LRRTM4: variants seen among roughly 807,000 people sequenced by gnomAD.
LRRTM4 encodes the protein leucine-rich repeat transmembrane neuronal protein 4.
Under a neutral mutation model 47.6 loss-of-function variants are expected in LRRTM4, and 25 were observed. The ratio of observed to expected loss-of-function variants is 0.53; its 90% CI spans 0.38 to 0.73. The LOEUF is 0.73. LRRTM4 is among the 30% of genes least tolerant of loss of function. The pLI is 0.00. For synonymous variants in LRRTM4, 311 were observed against 269.5 expected, an observed-to-expected ratio of 1.15 and a Z score of -1.51; for missense variants, 638 against 713.4, an observed-to-expected ratio of 0.89 and a Z score of 1.20.
intron 3 of LRRTM4, among the ~76,000 whole-genome samples, chr2:77,316,687 A>G (rs949593069): frequency 8.6e-5 from 13 of 152,010 alleles, no homozygotes; most frequent in African/African-American, 3.1e-4. Context: ...AGCTGGGATC[A>G]CTAGCACATG....
At chr2:77,237,945 C>G (rs1299662542) in intron 3 of LRRTM4, among the ~76,000 whole-genome samples, 3 of 152,060 alleles carry the variant, frequency 2.0e-5, no homozygotes, top group Admixed American at 6.6e-5. Flanking sequence ...TATATATACT[C>G]AAACATACAC....
At chr2:77,154,049 A>C (rs1672495662) in intron 3 of LRRTM4, among the ~76,000 whole-genome samples, 1 of 152,220 alleles carries the variant, frequency 6.6e-6, no homozygotes, top group African/African-American at 2.4e-5. Flanking sequence ...AATTACTAGA[A>C]GTCTAATCAA....
chr2:76,832,448 G>A (rs930897037), intron 3 of LRRTM4, among the ~76,000 whole-genome samples: 7 of 142,020 alleles, frequency 4.9e-5, no homozygotes, highest in East Asian at 2.1e-4. Context: ...GTGCATCCTC[G>A]AAGGGCTTTT....
intron 3 of LRRTM4, among the ~76,000 whole-genome samples, chr2:76,990,595 C>T (rs1484919077): frequency 2.0e-5 from 3 of 151,624 alleles, no homozygotes; most frequent in Admixed American, 6.6e-5. Flanking sequence ...AACAAGAAGA[C>T]TTAACCATCC....
intron 3 of LRRTM4, among the ~76,000 whole-genome samples, chr2:77,396,835 T>C (rs1673723856): frequency 6.6e-6 from 1 of 151,904 alleles, no homozygotes; most frequent in African/African-American, 2.4e-5. Flanking sequence ...TCAATTGAGA[T>C]CAATGTTTGA....
At chr2:77,422,568 GAT>G (rs1413164164) in intron 3 of LRRTM4, among the ~76,000 whole-genome samples, 1 of 152,136 alleles carries the variant, frequency 6.6e-6, no homozygotes, top group Non-Finnish European at 1.5e-5. Flanking sequence ...CTTTCTTATT[GAT>G]ATAATAAGCA....
intron 3 of LRRTM4, among the ~76,000 whole-genome samples, chr2:77,185,625 CTAAAG>C (rs1673481223): frequency 6.6e-6 from 1 of 152,098 alleles, no homozygotes; most frequent in African/African-American, 2.4e-5. Flanking sequence ...ATAAGTCAAA[CTAAAG>C]TATAAACAAG....
rs1314352592 is a variant in LRRTM4, at chr2:77,507,261, A to G, written c.1551+11057T>C. On this transcript the variant is annotated intron_variant, in intron 3 of 3. Transcript: ENST00000409884. ...TAGAAACAGTCAAACATTGTAGGAT[A>G]AAATCATATATTTGCTTATATAATT... Among the ~76,000 whole-genome samples the G allele has an allele frequency of 1.8e-4, 28 of 152,164 alleles. 1 individual carries two copies. The highest frequency in any genetic ancestry group is 1.8e-3 in the Admixed American group (28 of 15,250).
chr2:76,910,607 C>A (rs1674019466), intron 3 of LRRTM4, among the ~76,000 whole-genome samples: 1 of 152,092 alleles, frequency 6.6e-6, no homozygotes, highest in African/African-American at 2.4e-5. Flanking sequence ...ATGTATGTAT[C>A]CAAAAATAGA....
chr2:76,875,531 A>C (rs1216060589), intron 3 of LRRTM4, among the ~76,000 whole-genome samples: 3 of 152,154 alleles, frequency 2.0e-5, no homozygotes, highest in African/African-American at 7.2e-5. Flanking sequence ...TACATCAGTT[A>C]AGTAATTAAG....
At chr2:77,065,580 C>T (rs1679924578) in intron 3 of LRRTM4, among the ~76,000 whole-genome samples, 2 of 152,206 alleles carry the variant, frequency 1.3e-5, no homozygotes, top group African/African-American at 4.8e-5. Flanking sequence ...AACAGAATAA[C>T]ACGTTGGATT....
At chr2:76,979,695 G>A (rs1676537613) in intron 3 of LRRTM4, among the ~76,000 whole-genome samples, 1 of 78,204 alleles carries the variant, frequency 1.3e-5, no homozygotes, top group Non-Finnish European at 2.3e-5. Context: ...TAGAGTATAA[G>A]CGATAGATAG....
At chr2:76,756,273 A>G (rs1271354932) in intron 3 of LRRTM4, among the ~76,000 whole-genome samples, 1 of 152,174 alleles carries the variant, frequency 6.6e-6, no homozygotes, top group African/African-American at 2.4e-5. Context: ...CTCTGAATCC[A>G]TCTATGACCT....
intron 3 of LRRTM4, among the ~76,000 whole-genome samples, chr2:77,258,696 A>AT (rs1675835787): frequency 6.6e-6 from 1 of 152,134 alleles, no homozygotes; most frequent in East Asian, 1.9e-4. Flanking sequence ...TATTCAGGAA[A>AT]ATTGTTAAAA....
chr2:77,460,438 G>A (rs548750624), intron 3 of LRRTM4, among the ~76,000 whole-genome samples: 2 of 152,178 alleles, frequency 1.3e-5, no homozygotes, highest in African/African-American at 2.4e-5. Flanking sequence ...ATAGCTACTG[G>A]TCTAAAGAGG....
intron 3 of LRRTM4, among the ~76,000 whole-genome samples, chr2:77,231,742 A>G (rs1306552767): frequency 1.3e-5 from 2 of 152,174 alleles, no homozygotes; most frequent in Non-Finnish European, 2.9e-5. Context: ...CAGAGACAAC[A>G]TTAAATAGCA....
chr2:77,327,114 G>GT lies in LRRTM4; in HGVS notation c.1551+191203dup, dbSNP rs142992936. Among the ~76,000 whole-genome samples the GT allele has an allele frequency of 3.6e-3, 546 of 152,312 alleles. 2 individuals carry two copies. Among genetic ancestry groups the GT allele is most frequent in the African/African-American group, 0.013 (525 of 41,568 alleles). Reference sequence around the variant, plus strand: ...AAGATTTTCCTCCTGAAAGAAAGGAGTAGGATAGCTCTTCACTTGGGCAAA... The same window carrying GT: ...AAGATTTTCCTCCTGAAAGAAAGGAGTTAGGATAGCTCTTCACTTGGGCAAA... On this transcript the variant is annotated intron_variant, in intron 3 of 3. Transcript: ENST00000409884.
intron 3 of LRRTM4, among the ~76,000 whole-genome samples, chr2:77,351,641 G>T (rs868173327): frequency 0.02 from 2,578 of 129,252 alleles, 100 homozygotes; most frequent in African/African-American, 0.085. Context: ...TATATATATA[G>T]TTAATGTGAA....
At chr2:76,782,309 C>A (rs1558649384) in intron 3 of LRRTM4, among the ~76,000 whole-genome samples, 2 of 152,144 alleles carry the variant, frequency 1.3e-5, no homozygotes, top group Non-Finnish European at 2.9e-5. Flanking sequence ...AGCTACAGAT[C>A]TAAATCTACA....
Sources: allele counts gnomAD v4.1 joint callset (sites outside exome capture counted in the v4.1 genomes callset), GRCh38; gene constraint gnomAD v4.1.1; transcripts MANE v1.5; gene names NCBI Gene and HGNC (gene_info 2026-07-23, HGNC 2026-07-21).